The following GALNT11 variants were observed in gnomAD, a reference collection of about 807,000 sequenced individuals.
The protein encoded by GALNT11 is UDP-GalNAc:polypeptide N-acetylgalactosaminyltransferase 11.
GALNT11 carries 47 observed loss-of-function variants against 72.7 expected under a neutral mutation model. The ratio of observed to expected loss-of-function variants is 0.65; its 90% CI spans 0.51 to 0.82. GALNT11 has a LOEUF of 0.82. Among genes scored for constraint, GALNT11 ranks in the 40% least tolerant of loss-of-function variants. GALNT11 has a pLI of 0.00. For missense variants in GALNT11, 677 were observed against 778.4 expected (o/e 0.87, Z 1.55); for synonymous variants, 270 against 286.6 (o/e 0.94, Z 0.58).
At chr7:152,039,193 C>G (rs951189605) in intron 1 of GALNT11, among the ~76,000 whole-genome samples, 1 of 152,210 alleles carries the variant, frequency 6.6e-6, no homozygotes, top group Non-Finnish European at 1.5e-5. Context: ...GGGGACCAAT[C>G]AATTCCATAG....
intron 1 of GALNT11, among the ~76,000 whole-genome samples, chr7:152,055,557 GTGTGTGTGTGTA>G (rs1268965759): frequency 6.1e-4 from 85 of 139,738 alleles, no homozygotes; most frequent in African/African-American, 2.0e-3. Context: ...GTGTGTGTGT[GTGTGTGTGTGTA>G]TATATACATA....
intron 7 of GALNT11, among the ~76,000 whole-genome samples, chr7:152,112,000 T>TAA (rs201132594): frequency 6.6e-6 from 1 of 152,160 alleles, no homozygotes; most frequent in Non-Finnish European, 1.5e-5. Flanking sequence ...CTCCAATTGC[T>TAA]AAGGTTTGAA....
intron 1 of GALNT11, among the ~76,000 whole-genome samples, chr7:152,054,233 A>G (rs956616742): frequency 6.6e-6 from 1 of 152,054 alleles, no homozygotes; most frequent in Admixed American, 6.6e-5. Flanking sequence ...TTAGTTTTCA[A>G]TATATTTTTA....
intron 1 of GALNT11, among the ~76,000 whole-genome samples, chr7:152,070,375 C>A (rs2084565508): frequency 6.6e-6 from 1 of 152,126 alleles, no homozygotes; most frequent in African/African-American, 2.4e-5. Flanking sequence ...CCTATTCTTA[C>A]AGCACAACTT....
chr7:152,050,045 C>T (rs2083317197), intron 1 of GALNT11, among the ~76,000 whole-genome samples: 1 of 152,104 alleles, frequency 6.6e-6, no homozygotes, highest in African/African-American at 2.4e-5. Flanking sequence ...CCAGAAATAC[C>T]ATCCAAGAGC....
At chr7:152,060,302 G>A (rs1040737755) in intron 1 of GALNT11, among the ~76,000 whole-genome samples, 4 of 152,116 alleles carry the variant, frequency 2.6e-5, no homozygotes, top group Non-Finnish European at 4.4e-5. Flanking sequence ...CTCCATATCC[G>A]CATTGATGCT....
intron 1 of GALNT11, among the ~76,000 whole-genome samples, chr7:152,066,860 A>G (rs2084340947): frequency 1.3e-5 from 2 of 152,242 alleles, no homozygotes; most frequent in African/African-American, 4.8e-5. Flanking sequence ...ATCAAAGATC[A>G]TCGACACAGA....
intron 1 of GALNT11, among the ~76,000 whole-genome samples, chr7:152,041,438 A>C (rs2152007298): frequency 6.6e-6 from 1 of 152,350 alleles, no homozygotes; most frequent in East Asian, 1.9e-4. Flanking sequence ...TAACAATCCG[A>C]GTTCTGCCAT....
chr7:152,060,922 C>T (rs973619987), intron 1 of GALNT11, among the ~76,000 whole-genome samples: 4 of 152,110 alleles, frequency 2.6e-5, no homozygotes, highest in Non-Finnish European at 4.4e-5. Flanking sequence ...TGAATAGTGA[C>T]ACAATAAACA....
intron 1 of GALNT11, among the ~76,000 whole-genome samples, chr7:152,090,660 C>A (rs1195850490): frequency 6.9e-6 from 1 of 144,724 alleles, no homozygotes; most frequent in African/African-American, 2.8e-5. Flanking sequence ...CCCCACCCCA[C>A]CCCACCCTGC....
In GALNT11 at chr7:152,115,273, G is replaced by C. The variant is rs112363243; in HGVS notation, c.1233+1875G>C. ...CATTGCACTGAGTGTGTAAAATCAG[G>C]GGAGTAAAGTGGCTGGTGCCTTAGC... On this transcript the variant is annotated intron_variant, in intron 8 of 11. Transcript: ENST00000430044. Among the ~76,000 whole-genome samples the C allele has an allele frequency of 3.6e-3, 542 of 152,266 alleles. 3 individuals carry two copies. Among genetic ancestry groups the C allele is most frequent in the African/African-American group, 0.012 (478 of 41,524 alleles).
chr7:152,117,122 T>A (rs2088944557), intron 8 of GALNT11, 35 bp from the exon 9 acceptor site: 2 of 1,553,404 alleles, frequency 1.3e-6, no homozygotes, highest in Non-Finnish European at 1.7e-6. Context: ...TAACAAAAAA[T>A]TCGATTTTCT....
At chr7:152,114,257 A>G (rs1368006427) in intron 8 of GALNT11, among the ~76,000 whole-genome samples, 1 of 152,210 alleles carries the variant, frequency 6.6e-6, no homozygotes, top group African/African-American at 2.4e-5. Flanking sequence ...AAAGAAGTCC[A>G]TAGCCTTCGA....
intron 1 of GALNT11, among the ~76,000 whole-genome samples, chr7:152,088,052 C>A (rs2085764613): frequency 6.6e-6 from 1 of 152,194 alleles, no homozygotes; most frequent in African/African-American, 2.4e-5. Flanking sequence ...CTAAAGATTC[C>A]TTAACCTTAT....
chr7:152,078,580 T>C (rs1265293336), intron 1 of GALNT11, among the ~76,000 whole-genome samples: 1 of 152,244 alleles, frequency 6.6e-6, no homozygotes, highest in Admixed American at 6.5e-5. Context: ...TAAGAGATTC[T>C]TAATATAGCA....
intron 1 of GALNT11, among the ~76,000 whole-genome samples, chr7:152,050,376 T>C (rs1021059797): frequency 1.3e-5 from 2 of 152,202 alleles, no homozygotes; most frequent in Non-Finnish European, 2.9e-5. Context: ...GCAGGTTCCC[T>C]TGTAGCCCAG....
intron 1 of GALNT11, among the ~76,000 whole-genome samples, chr7:152,080,927 G>A (rs796865255): frequency 6.6e-5 from 10 of 152,140 alleles, no homozygotes; most frequent in East Asian, 3.9e-4. Flanking sequence ...CCAAGATCTC[G>A]CCACTGCACT....
rs2089136007 is a variant in GALNT11, at chr7:152,118,791, C to T, written c.1557+9C>T. 2 of 1,595,924 alleles carry T rather than the reference C, an allele frequency of 1.3e-6. No homozygotes were observed. The highest frequency in any genetic ancestry group is 1.7e-6 in the Non-Finnish European group (2 of 1,173,812). ...ACAGTGACCCAAATCAGGTGAGTGA[C>T]ACCTCGGGGCTCACAGCCAGTGTCC... On this transcript the variant is annotated intron_variant, in intron 10 of 11. Coordinates refer to ENST00000430044, the MANE Select transcript of GALNT11 (RefSeq NM_022087.4).
chr7:152,093,015 G>A (rs13234808), intron 1 of GALNT11, among the ~76,000 whole-genome samples: 1 of 152,138 alleles, frequency 6.6e-6, no homozygotes, highest in African/African-American at 2.4e-5. Context: ...GATCACCTGA[G>A]GTCAGGAGTT....
Sources: gnomAD v4.1 joint callset for allele counts (sites outside exome capture counted in the v4.1 genomes callset) on GRCh38, gnomAD v4.1.1 for gene constraint, MANE v1.5 for transcripts, NCBI Gene and HGNC (gene_info 2026-07-23, HGNC 2026-07-21) for gene names.